Variants in NR6A1 observed in about 807,000 individuals in gnomAD.
The protein encoded by NR6A1 is nuclear receptor subfamily 6 group A member 1, also known as retinoic acid receptor-related testis-associated receptor.
NR6A1 carries 7 observed loss-of-function variants against 59.1 expected under a neutral mutation model. The observed-to-expected ratio is 0.12, with a 90% CI of 0.07 to 0.22. The LOEUF (loss-of-function observed/expected upper bound fraction) is 0.22. Among genes scored for constraint, NR6A1 ranks in the 10% least tolerant of loss-of-function variants. The pLI is 1.00. For synonymous variants in NR6A1, 243 were observed against 236.1 expected (o/e 1.03, Z -0.27); for missense variants, 468 against 611.6 (o/e 0.77, Z 2.48).
chr9:124,540,207 CAT>C lies in NR6A1; in HGVS notation c.442-22_442-21del. 1 of 1,609,740 alleles carries C rather than the reference CAT, an allele frequency of 6.2e-7. No individual in the cohort carries two copies. Among genetic ancestry groups the C allele is most frequent in the Non-Finnish European group, 8.5e-7 (1 of 1,178,134 alleles). On this transcript the variant is annotated intron_variant, in intron 4 of 9. Transcript: ENST00000487099. ...CGATATCTTTGACAAGGAATTGAGA[CAT>C]GTTAGATGGGTGCTCAGGACACTTG...
At chr9:124,720,717 G>A (rs1169064950) in intron 2 of NR6A1, among the ~76,000 whole-genome samples, 7 of 152,126 alleles carry the variant, frequency 4.6e-5, no homozygotes, top group Admixed American at 4.6e-4. Context: ...TACCCAGAAA[G>A]GGCCTCAGTT....
chr9:124,598,807 G>T, intron 2 of NR6A1: 1 of 860,820 alleles, frequency 1.2e-6, no homozygotes, highest in Non-Finnish European at 1.9e-6. Context: ...CTTTTTTGCC[G>T]GATCTTTTCT....
At chr9:124,738,496 C>A (rs1258952090) in intron 1 of NR6A1, among the ~76,000 whole-genome samples, 1 of 152,104 alleles carries the variant, frequency 6.6e-6, no homozygotes, top group East Asian at 1.9e-4. Context: ...TCAGTGTGCA[C>A]ACAAGCAATC....
chr9:124,768,313 C>T (rs2131213394), intron 1 of NR6A1, among the ~76,000 whole-genome samples: 1 of 152,218 alleles, frequency 6.6e-6, no homozygotes, highest in South Asian at 2.1e-4. Context: ...CTTTTCTACT[C>T]AGAACAAGCA....
intron 2 of NR6A1, among the ~76,000 whole-genome samples, chr9:124,713,054 A>C (rs1293464784): frequency 6.6e-6 from 1 of 152,230 alleles, no homozygotes; most frequent in African/African-American, 2.4e-5. Flanking sequence ...TGGTATTACC[A>C]TAATGACAGA....
At chr9:124,524,963 AT>A in intron 8 of NR6A1, 90 bp from the exon 9 acceptor site, 1 of 1,385,126 alleles carries the variant, frequency 7.2e-7, no homozygotes, top group Non-Finnish European at 9.7e-7. Flanking sequence ...AAATATGTTC[AT>A]TTTTCAACTA....
At chr9:124,759,223 CAG>C (rs1176585300) in intron 1 of NR6A1, among the ~76,000 whole-genome samples, 2 of 152,180 alleles carry the variant, frequency 1.3e-5, no homozygotes, top group African/African-American at 4.8e-5. Flanking sequence ...TTTTGTGAGA[CAG>C]AATTTTAAAA....
At chr9:124,640,031 T>G (rs1836726708) in intron 2 of NR6A1, among the ~76,000 whole-genome samples, 1 of 152,216 alleles carries the variant, frequency 6.6e-6, no homozygotes, top group Non-Finnish European at 1.5e-5. Flanking sequence ...ATTTCCATTT[T>G]TAAAATGCAT....
At chr9:124,610,050 A>G (rs1261504139) in intron 2 of NR6A1, among the ~76,000 whole-genome samples, 1 of 152,144 alleles carries the variant, frequency 6.6e-6, no homozygotes, top group African/African-American at 2.4e-5. Flanking sequence ...ATCTGCAAAC[A>G]GACAATTTGA....
intron 2 of NR6A1, among the ~76,000 whole-genome samples, chr9:124,711,521 C>T (rs899090772): frequency 6.6e-6 from 1 of 151,792 alleles, no homozygotes; most frequent in Non-Finnish European, 1.5e-5. Context: ...CCAAAAATGG[C>T]GAGGAGCCAT....
intron 1 of NR6A1, among the ~76,000 whole-genome samples, chr9:124,739,911 G>A (rs188842369): frequency 4.6e-5 from 7 of 152,176 alleles, no homozygotes; most frequent in Non-Finnish European, 7.3e-5. Flanking sequence ...TCTGGTTAAC[G>A]TTCTGCTAGT....
At chr9:124,561,850 T>G (rs1307399442) in intron 2 of NR6A1, among the ~76,000 whole-genome samples, 2 of 152,148 alleles carry the variant, frequency 1.3e-5, no homozygotes, top group African/African-American at 2.4e-5. Context: ...AGGTAGAGGT[T>G]GCAGTGAGCC....
chr9:124,610,555 A>C (rs1789822223), intron 2 of NR6A1, among the ~76,000 whole-genome samples: 1 of 152,118 alleles, frequency 6.6e-6, no homozygotes, highest in Admixed American at 6.6e-5. Flanking sequence ...ACTGGCCTGA[A>C]GTTTTCTTTT....
intron 2 of NR6A1, among the ~76,000 whole-genome samples, chr9:124,608,364 C>T (rs753337849): frequency 4.0e-5 from 6 of 151,836 alleles, no homozygotes; most frequent in Non-Finnish European, 4.4e-5. Context: ...CGTTGTTTAG[C>T]TCCTACTTAT....
chr9:124,636,769 G>C (rs1836622349), intron 2 of NR6A1, among the ~76,000 whole-genome samples: 1 of 152,128 alleles, frequency 6.6e-6, no homozygotes, highest in South Asian at 2.1e-4. Flanking sequence ...CGGTCCTACT[G>C]ATCTACTTGT....
intron 1 of NR6A1, among the ~76,000 whole-genome samples, chr9:124,749,367 C>G (rs186920524): frequency 6.6e-6 from 1 of 152,092 alleles, no homozygotes; most frequent in Admixed American, 6.5e-5. Context: ...ATCTAAACCA[C>G]TTTGCAGCAG....
chr9:124,520,457 TAAC>T lies in NR6A1; in HGVS notation c.*2245_*2247del, dbSNP rs1202957460. 6.6e-6 allele frequency: 1 copy of T among 152,362 alleles called. No homozygotes were observed. The highest frequency in any genetic ancestry group is 1.9e-4 in the East Asian group (1 of 5,184). 9.4% of individuals were successfully genotyped at this position (152,362 alleles called of 1,614,324 possible). The stretch of plus-strand genomic sequence containing the variant: ...AGAACCTTTCCCCTACTCCACAAAT[TAAC>T]AACTTGCTCTGTTCAATACTACGTT... On this transcript the variant is annotated 3_prime_UTR_variant, in exon 10 of 10. Coordinates refer to ENST00000487099, the MANE Select transcript of NR6A1 (RefSeq NM_033334.4).
chr9:124,618,410 G>A (rs1055657683), intron 2 of NR6A1, among the ~76,000 whole-genome samples: 2 of 152,120 alleles, frequency 1.3e-5, no homozygotes, highest in Non-Finnish European at 1.5e-5. Flanking sequence ...TTGAACCCGG[G>A]AGGCGGAGGT....
At chr9:124,745,798 C>A (rs1182865330) in intron 1 of NR6A1, among the ~76,000 whole-genome samples, 3 of 150,910 alleles carry the variant, frequency 2.0e-5, no homozygotes, top group African/African-American at 4.9e-5. Flanking sequence ...CTGGCCAACA[C>A]AGGAAACTCC....
Sources: allele counts gnomAD v4.1 joint callset (sites outside exome capture counted in the v4.1 genomes callset), GRCh38; gene constraint gnomAD v4.1.1; transcripts MANE v1.5; gene names NCBI Gene and HGNC (gene_info 2026-07-23, HGNC 2026-07-21).